DCC: variants seen among roughly 807,000 people sequenced by gnomAD.
The protein encoded by DCC is netrin receptor DCC.
DCC carries 58 observed loss-of-function variants against 172.5 expected under a neutral mutation model. The observed-to-expected ratio is 0.34, with a 90% CI of 0.27 to 0.42. The LOEUF is 0.42. Among genes scored for constraint, DCC ranks in the 10% least tolerant of loss-of-function variants. The pLI is 1.00. For missense variants in DCC, 1,740 were observed against 1,791.0 expected, an observed-to-expected ratio of 0.97 and a Z score of 0.51; for synonymous variants, 709 against 644.5, an observed-to-expected ratio of 1.10 and a Z score of -1.52.
chr18:53,091,107 G>A (rs1024647460), intron 7 of DCC, among the ~76,000 whole-genome samples: 1 of 151,892 alleles, frequency 6.6e-6, no homozygotes, highest in Non-Finnish European at 1.5e-5. Context: ...TATAGCATGT[G>A]AATAAAACAG....
At chr18:53,201,922 G>A (rs2055543325) in intron 9 of DCC, among the ~76,000 whole-genome samples, 1 of 152,128 alleles carries the variant, frequency 6.6e-6, no homozygotes, top group South Asian at 2.1e-4. Flanking sequence ...GGAATGAGGA[G>A]AGCAAGACAA....
At chr18:53,173,495 C>T (rs1407665692) in intron 8 of DCC, among the ~76,000 whole-genome samples, 1 of 151,972 alleles carries the variant, frequency 6.6e-6, no homozygotes, top group Non-Finnish European at 1.5e-5. Context: ...TTCATTGTCT[C>T]CAGTTAAAAT....
In DCC at chr18:53,432,935, C is replaced by T. The variant is rs576393122; in HGVS notation, c.3164-2209C>T. 7.2e-5 allele frequency among the ~76,000 whole-genome samples: 11 copies of T among 152,106 alleles called. No individual in the cohort carries two copies. The East Asian group carries it at 1.5e-3, about 21-fold the overall frequency. On this transcript the variant is annotated intron_variant, in intron 21 of 28. Coordinates refer to ENST00000442544, the MANE Select transcript of DCC (RefSeq NM_005215.4). ...AGAAATGGGTTTTGTGGTTTTTTGG[C>T]TGAAGTGGTGCAAGAAATGTGAATC...
At chr18:52,622,318 A>C (rs2034495263) in intron 1 of DCC, among the ~76,000 whole-genome samples, 1 of 152,220 alleles carries the variant, frequency 6.6e-6, no homozygotes, top group African/African-American at 2.4e-5. Context: ...AGAAGAGTAC[A>C]TTGTTCTACA....
At chr18:52,754,438 C>G (rs1294274383) in intron 2 of DCC, among the ~76,000 whole-genome samples, 1 of 152,068 alleles carries the variant, frequency 6.6e-6, no homozygotes, top group Non-Finnish European at 1.5e-5. Context: ...GGGGTGGAGC[C>G]CTCATGAATG....
chr18:52,993,858 A>ACT lies in DCC; in HGVS notation c.985+68503_985+68504dup, dbSNP rs147460567. 6.7e-4 allele frequency among the ~76,000 whole-genome samples: 99 copies of ACT among 148,356 alleles called. 2 individuals carry two copies. In the South Asian group the frequency reaches 0.017, roughly 26 times the overall value. On this transcript the variant is annotated intron_variant, in intron 5 of 28. Coordinates refer to ENST00000442544, the MANE Select transcript of DCC (RefSeq NM_005215.4). ...TACATATCTGAGGGACATACTCTCC[A>ACT]CTCTCTCTCTCTCTCTGTAATGTGG...
chr18:52,367,697 C>T (rs78513673), intron 1 of DCC, among the ~76,000 whole-genome samples: 30 of 152,124 alleles, frequency 2.0e-4, no homozygotes, highest in Admixed American at 2.0e-3. Flanking sequence ...GGCTGTTTCT[C>T]CCAGTTAGCA....
chr18:52,735,829 C>G (rs1015486740), intron 1 of DCC, among the ~76,000 whole-genome samples: 1 of 152,048 alleles, frequency 6.6e-6, no homozygotes, highest in Non-Finnish European at 1.5e-5. Context: ...ACAGATGAAC[C>G]AGGAACAATA....
At chr18:52,510,470 T>A (rs1261328097) in intron 1 of DCC, among the ~76,000 whole-genome samples, 1 of 152,164 alleles carries the variant, frequency 6.6e-6, no homozygotes, top group African/African-American at 2.4e-5. Context: ...CTGAAGACAT[T>A]TGGGCTTAAT....
intron 5 of DCC, among the ~76,000 whole-genome samples, chr18:52,954,043 A>G (rs893491370): frequency 3.3e-5 from 5 of 152,212 alleles, no homozygotes; most frequent in Non-Finnish European, 7.3e-5. Context: ...GGACACAGGG[A>G]TCTTTGAATT....
At chr18:52,887,788 C>A (rs1218044045) in intron 2 of DCC, among the ~76,000 whole-genome samples, 1 of 152,130 alleles carries the variant, frequency 6.6e-6, no homozygotes, top group Non-Finnish European at 1.5e-5. Flanking sequence ...TTATTAATGT[C>A]ATGATTTTTT....
At chr18:52,728,918 C>G (rs1373216474) in intron 1 of DCC, among the ~76,000 whole-genome samples, 1 of 152,154 alleles carries the variant, frequency 6.6e-6, no homozygotes, top group African/African-American at 2.4e-5. Context: ...TGAATAGTGT[C>G]TGTTTGGAGA....
intron 1 of DCC, among the ~76,000 whole-genome samples, chr18:52,406,118 T>A (rs1401816655): frequency 1.4e-5 from 2 of 147,298 alleles, no homozygotes; most frequent in Non-Finnish European, 3.0e-5. Flanking sequence ...TGGCTAGCCA[T>A]ATGTAGAAAG....
intron 14 of DCC, among the ~76,000 whole-genome samples, chr18:53,335,211 T>C (rs1261200150): frequency 1.3e-5 from 2 of 152,210 alleles, no homozygotes; most frequent in Non-Finnish European, 2.9e-5. Flanking sequence ...CTCTGATGTT[T>C]GCTTGACTGG....
intron 2 of DCC, among the ~76,000 whole-genome samples, chr18:52,829,098 T>C (rs776237203): frequency 4.6e-5 from 7 of 152,224 alleles, no homozygotes; most frequent in Non-Finnish European, 1.0e-4. Context: ...AGTATTTGGA[T>C]ACTTTAATCA....
At chr18:52,783,460 C>G (rs2037593162) in intron 2 of DCC, among the ~76,000 whole-genome samples, 1 of 149,366 alleles carries the variant, frequency 6.7e-6, no homozygotes, top group African/African-American at 2.5e-5. Flanking sequence ...GACTTGAGAC[C>G]TAACAACACC....
intron 15 of DCC, among the ~76,000 whole-genome samples, chr18:53,379,836 A>T (rs1388747247): frequency 6.6e-6 from 1 of 152,202 alleles, no homozygotes; most frequent in Admixed American, 6.5e-5. Context: ...ATAATTTCAA[A>T]TCTGCTAAAT....
At chr18:52,429,923 G>A (rs1447524548) in intron 1 of DCC, among the ~76,000 whole-genome samples, 1 of 152,110 alleles carries the variant, frequency 6.6e-6, no homozygotes, top group Non-Finnish European at 1.5e-5. Context: ...AGAAATAATG[G>A]CTTTTGAGCT....
chr18:52,506,890 G>A (rs536807206), intron 1 of DCC, among the ~76,000 whole-genome samples: 4 of 152,216 alleles, frequency 2.6e-5, no homozygotes, highest in South Asian at 2.1e-4. Context: ...TACGGATATT[G>A]TGTATCATTG....
Sources: allele counts gnomAD v4.1 joint callset (sites outside exome capture counted in the v4.1 genomes callset), GRCh38; gene constraint gnomAD v4.1.1; transcripts MANE v1.5; gene names NCBI Gene and HGNC (gene_info 2026-07-23, HGNC 2026-07-21).